The following PTPRN2 variants were observed in gnomAD, a reference collection of about 807,000 sequenced individuals.
The protein encoded by PTPRN2 is receptor-type tyrosine-protein phosphatase N2.
PTPRN2 carries 74 observed loss-of-function variants against 118.8 expected under a neutral mutation model. The observed-to-expected ratio is 0.62, with a 90% confidence interval of 0.52 to 0.76. PTPRN2 has a LOEUF of 0.76. Ranked by LOEUF, PTPRN2 falls within the 30% of genes least tolerant of loss-of-function variation. The probability of loss-of-function intolerance (pLI) is 0.00; values close to 1 mark genes in which losing one functional copy is unlikely to be tolerated. For synonymous variants in PTPRN2, 641 were observed against 608.0 expected, an observed-to-expected ratio of 1.05 and a Z score of -0.80; for missense variants, 1,481 against 1,394.4, an observed-to-expected ratio of 1.06 and a Z score of -0.99.
At chr7:158,044,308 G>A (rs1048783018) in intron 11 of PTPRN2, among the ~76,000 whole-genome samples, 7 of 152,158 alleles carry the variant, frequency 4.6e-5, no homozygotes, top group African/African-American at 1.7e-4. Context: ...GACTGTGGGC[G>A]GCCACAGCCC....
At chr7:158,487,837 G>T (rs1821142132) in intron 2 of PTPRN2, among the ~76,000 whole-genome samples, 1 of 151,940 alleles carries the variant, frequency 6.6e-6, no homozygotes. Context: ...CACTGGCTTC[G>T]CTGTTTCCTA....
intron 11 of PTPRN2, among the ~76,000 whole-genome samples, chr7:157,939,214 G>A (rs1482637133): frequency 1.3e-5 from 2 of 152,204 alleles, no homozygotes; most frequent in Admixed American, 6.5e-5. Context: ...AGTAAAGCAC[G>A]CAGGTCCCCA....
At chr7:157,825,976 G>A (rs954533548) in intron 12 of PTPRN2, among the ~76,000 whole-genome samples, 10 of 152,212 alleles carry the variant, frequency 6.6e-5, no homozygotes, top group Admixed American at 3.9e-4. Flanking sequence ...AAGCGCAAGT[G>A]CTTTATTCAC....
chr7:157,611,920 C>T lies in PTPRN2; in HGVS notation c.2345-7845G>A, dbSNP rs1038198395. Among the ~76,000 whole-genome samples the T allele has an allele frequency of 9.2e-5, 14 of 152,104 alleles. No homozygotes were observed. Among genetic ancestry groups the T allele is most frequent in the Admixed American group, 7.8e-4 (12 of 15,288 alleles). On this transcript the variant is annotated intron_variant, in intron 15 of 22. Coordinates refer to ENST00000389418, the MANE Select transcript of PTPRN2 (RefSeq NM_002847.5). The surrounding 1 kb of genome is among the most constrained non-coding windows in gnomAD (Gnocchi z 5.9). Reference sequence around the variant, plus strand: ...TGGGGACACGCGGAGGGAGAGCGCCCGTGTGAAGACGAAGACAGCCGTGGT... The same window carrying T: ...TGGGGACACGCGGAGGGAGAGCGCCTGTGTGAAGACGAAGACAGCCGTGGT...
At chr7:158,043,292 A>T (rs1808603972) in intron 11 of PTPRN2, among the ~76,000 whole-genome samples, 2 of 152,234 alleles carry the variant, frequency 1.3e-5, no homozygotes, top group South Asian at 4.1e-4. Flanking sequence ...AATCCCATGG[A>T]CAGAAAAAAG....
intron 10 of PTPRN2, among the ~76,000 whole-genome samples, chr7:158,100,087 A>G (rs1815103417): frequency 6.6e-6 from 1 of 151,812 alleles, no homozygotes; most frequent in Admixed American, 6.6e-5. Flanking sequence ...AAGCCTTCAC[A>G]TCCTCATAGC....
intron 12 of PTPRN2, chr7:157,740,344 G>T (rs1417640682): frequency 7.1e-6 from 1 of 140,770 alleles, no homozygotes; most frequent in Non-Finnish European, 1.6e-5. Context: ...AAATTGCTTC[G>T]GCTTCAGCTC....
intron 3 of PTPRN2, among the ~76,000 whole-genome samples, chr7:158,227,587 A>G (rs1317420118): frequency 1.3e-5 from 2 of 152,276 alleles, no homozygotes; most frequent in African/African-American, 4.8e-5. Flanking sequence ...TTTTATGAGT[A>G]GAATTCACGA....
chr7:157,690,212 G>A lies in PTPRN2; in HGVS notation c.1789-7275C>T, dbSNP rs1797405999. On this transcript the variant is annotated intron_variant, in intron 12 of 22. Transcript: ENST00000389418. The surrounding 1 kb of genome is among the most constrained non-coding windows in gnomAD (Gnocchi z 7.1). ...CAAATCTGTGCGCTCAGAAGGAGCT[G>A]CCCTTTGCCCGCTCCTCCTCACAGG... Among the ~76,000 whole-genome samples, 1 of 152,192 alleles carries A rather than the reference G, an allele frequency of 6.6e-6. No homozygotes were observed.
At chr7:157,639,388 T>C (rs555627260) in intron 14 of PTPRN2, among the ~76,000 whole-genome samples, 47 of 152,314 alleles carry the variant, frequency 3.1e-4, no homozygotes, top group African/African-American at 1.1e-3. Flanking sequence ...CAATTGTCAA[T>C]GTGATGTGAG....
chr7:158,227,377 A>G (rs2150812339), intron 3 of PTPRN2, among the ~76,000 whole-genome samples: 2 of 152,304 alleles, frequency 1.3e-5, no homozygotes, highest in Middle Eastern at 6.8e-3. Context: ...AATCAGAGTG[A>G]TAAGAATCAG....
intron 12 of PTPRN2, among the ~76,000 whole-genome samples, chr7:157,719,073 A>G (rs1799093785): frequency 6.6e-6 from 1 of 152,038 alleles, no homozygotes; most frequent in Non-Finnish European, 1.5e-5. Flanking sequence ...TCCCCAGTGC[A>G]TGGCCCCTGT....
chr7:157,783,671 G>T (rs1359977994), intron 12 of PTPRN2, among the ~76,000 whole-genome samples: 2 of 151,840 alleles, frequency 1.3e-5, no homozygotes, highest in Non-Finnish European at 2.9e-5. Context: ...TGAAACAGCA[G>T]AGAAGACGCC....
chr7:158,201,375 A>C (rs1826638262), intron 4 of PTPRN2, among the ~76,000 whole-genome samples: 2 of 152,204 alleles, frequency 1.3e-5, no homozygotes, highest in Non-Finnish European at 2.9e-5. Flanking sequence ...GATGGGTTTT[A>C]TTTGACCCTA....
rs776121436 is a variant in PTPRN2 at position 157,628,606 on chromosome 7, C to T, written c.2197-7097G>A. Among the ~76,000 whole-genome samples, 3 of 152,350 alleles carry T rather than the reference C, an allele frequency of 2.0e-5. 1 individual carries two copies. Among genetic ancestry groups the T allele is most frequent in the Middle Eastern group, 6.8e-3 (2 of 294 alleles). ...AGTCAGGCCATCTGACTGAGCCCCA[C>T]GGGTGCACCCCTTCGTAACCTGGTC... On this transcript the variant is annotated intron_variant, in intron 14 of 22. Transcript: ENST00000389418.
chr7:157,769,473 C>T (rs1053922017), intron 12 of PTPRN2, among the ~76,000 whole-genome samples: 1 of 152,148 alleles, frequency 6.6e-6, no homozygotes, highest in Non-Finnish European at 1.5e-5. Flanking sequence ...GGAAACATCA[C>T]AGCAATGTCA....
chr7:157,599,787 G>A (rs1801555498), intron 16 of PTPRN2, among the ~76,000 whole-genome samples: 2 of 152,168 alleles, frequency 1.3e-5, no homozygotes, highest in Non-Finnish European at 2.9e-5. Flanking sequence ...TCTTTACTCT[G>A]AAATCTTGCA....
At chr7:157,993,294 T>C (rs1032335949) in intron 11 of PTPRN2, among the ~76,000 whole-genome samples, 1 of 151,090 alleles carries the variant, frequency 6.6e-6, no homozygotes, top group Non-Finnish European at 1.5e-5. Flanking sequence ...AAGAGGAAAA[T>C]AGATTTTTTC....
intron 1 of PTPRN2, among the ~76,000 whole-genome samples, chr7:158,551,257 C>T (rs1826635520): frequency 6.6e-6 from 1 of 152,262 alleles, no homozygotes; most frequent in Non-Finnish European, 1.5e-5. Context: ...AGCCGGCTCC[C>T]TCATGATGCT....
Sources: gnomAD v4.1 joint callset for allele counts (sites outside exome capture counted in the v4.1 genomes callset) on GRCh38, gnomAD v4.1.1 for gene constraint, Gnocchi (gnomAD v3.1) non-coding constraint, MANE v1.5 for transcripts, NCBI Gene and HGNC (gene_info 2026-07-23, HGNC 2026-07-21) for gene names.